Variants in THSD7B observed in about 807,000 individuals in gnomAD.
The protein encoded by THSD7B is thrombospondin type-1 domain-containing protein 7B.
Under a neutral mutation model 213.6 loss-of-function variants are expected in THSD7B, and 138 were observed. The observed-to-expected ratio is 0.65, with a 90% CI of 0.56 to 0.74. THSD7B has a LOEUF of 0.74. THSD7B is among the 30% of genes least tolerant of loss of function. THSD7B has a pLI of 0.00. For missense variants in THSD7B, 1,931 were observed against 1,991.5 expected, an observed-to-expected ratio of 0.97 and a Z score of 0.58; for synonymous variants, 742 against 687.0, an observed-to-expected ratio of 1.08 and a Z score of -1.25.
chr2:137,112,890 T>G (rs1688374381), intron 4 of THSD7B, among the ~76,000 whole-genome samples: 1 of 152,142 alleles, frequency 6.6e-6, no homozygotes, highest in African/African-American at 2.4e-5. Flanking sequence ...TCAGGCTCAA[T>G]GATTGGTATT....
intron 3 of THSD7B, among the ~76,000 whole-genome samples, chr2:137,059,968 C>T (rs1687241624): frequency 6.6e-6 from 1 of 152,174 alleles, no homozygotes; most frequent in Admixed American, 6.6e-5. Flanking sequence ...TCCAGAATGG[C>T]TGTGCCACTT....
intron 15 of THSD7B, among the ~76,000 whole-genome samples, chr2:137,471,605 G>A (rs1175889273): frequency 6.6e-6 from 1 of 151,938 alleles, no homozygotes; most frequent in African/African-American, 2.4e-5. Context: ...AGGTCTAGGG[G>A]TCATCACATG....
At chr2:136,960,014 GT>G (rs1685189797) in intron 2 of THSD7B, among the ~76,000 whole-genome samples, 1 of 152,174 alleles carries the variant, frequency 6.6e-6, no homozygotes, top group Non-Finnish European at 1.5e-5. Flanking sequence ...GTTCTGGGTT[GT>G]TTGTGTTTGA....
chr2:137,605,144 T>C (rs1682147768), intron 17 of THSD7B, among the ~76,000 whole-genome samples: 1 of 152,204 alleles, frequency 6.6e-6, no homozygotes. Flanking sequence ...TTTGGCTGCA[T>C]GTCTTGTTTT....
chr2:137,494,178 C>A (rs1679506454), intron 15 of THSD7B, among the ~76,000 whole-genome samples: 1 of 152,146 alleles, frequency 6.6e-6, no homozygotes, highest in Admixed American at 6.6e-5. Flanking sequence ...ATTTATTAGT[C>A]TGCCTCACAG....
chr2:137,250,963 T>C (rs946974248), intron 10 of THSD7B, among the ~76,000 whole-genome samples: 1 of 152,186 alleles, frequency 6.6e-6, no homozygotes, highest in Non-Finnish European at 1.5e-5. Flanking sequence ...CTGTCTGAAA[T>C]GTTTGCAGTC....
At chr2:137,138,290 G>C (rs917837945) in intron 5 of THSD7B, among the ~76,000 whole-genome samples, 6 of 152,180 alleles carry the variant, frequency 3.9e-5, no homozygotes, top group African/African-American at 1.4e-4. Context: ...TAGGATTTCT[G>C]GAATATATTT....
intron 14 of THSD7B, among the ~76,000 whole-genome samples, chr2:137,419,987 G>A (rs1014205602): frequency 6.6e-6 from 1 of 152,048 alleles, no homozygotes; most frequent in Non-Finnish European, 1.5e-5. Flanking sequence ...GGATAATATG[G>A]TAGTTCTATT....
intron 12 of THSD7B, among the ~76,000 whole-genome samples, chr2:137,359,370 A>T (rs573456510): frequency 6.6e-6 from 1 of 152,222 alleles, no homozygotes; most frequent in Admixed American, 6.5e-5. Flanking sequence ...GACCAGCTTT[A>T]TCTTAAAATA....
In THSD7B at chr2:137,274,165, A is replaced by G. The variant is rs186842573; in HGVS notation, c.2396+1503A>G. ...TTCAAAATGTATCCAAGTTATCAGC[A>G]TGAATCTCTGCTCCTTAGTGAAACA... On this transcript the variant is annotated intron_variant, in intron 11 of 27. Coordinates refer to ENST00000409968, the MANE Select transcript of THSD7B (RefSeq NM_001316349.2). Among the ~76,000 whole-genome samples the G allele has an allele frequency of 3.9e-5, 6 of 152,234 alleles. No homozygotes were observed. The East Asian group carries it at 9.7e-4, about 24-fold the overall frequency.
At chr2:136,821,206 T>G (rs2044646228) in intron 1 of THSD7B, among the ~76,000 whole-genome samples, 1 of 152,216 alleles carries the variant, frequency 6.6e-6, no homozygotes, top group African/African-American at 2.4e-5. Context: ...TGGACTATTT[T>G]TTTTCCCAGT....
At chr2:136,825,718 A>ATTTTTTTTTTTTTTGTTTTTG (rs759978910) in intron 1 of THSD7B, among the ~76,000 whole-genome samples, 2 of 116,898 alleles carry the variant, frequency 1.7e-5, no homozygotes, top group African/African-American at 6.7e-5. Flanking sequence ...TGCCTGGCTA[A>ATTTTTTTTTTTTTTGTTTTTG]TTTTTTTTTT....
chr2:137,448,157 G>A (rs1259635233), intron 14 of THSD7B, among the ~76,000 whole-genome samples: 1 of 152,238 alleles, frequency 6.6e-6, no homozygotes, highest in Non-Finnish European at 1.5e-5. Context: ...GTTGAAGATA[G>A]AGTACTTATT....
intron 15 of THSD7B, among the ~76,000 whole-genome samples, chr2:137,552,541 G>A (rs987532334): frequency 9.2e-5 from 14 of 152,088 alleles, no homozygotes; most frequent in African/African-American, 3.4e-4. Context: ...CAAGACTTAA[G>A]ACACAGAATA....
At chr2:137,100,438 G>A (rs1469177865) in intron 4 of THSD7B, among the ~76,000 whole-genome samples, 43 of 151,688 alleles carry the variant, frequency 2.8e-4, no homozygotes, top group East Asian at 5.9e-4. Context: ...GCCGTGGAAA[G>A]CAATGGCAAA....
chr2:137,528,726 A>G (rs764852480), intron 15 of THSD7B, among the ~76,000 whole-genome samples: 43 of 152,064 alleles, frequency 2.8e-4, no homozygotes, highest in Non-Finnish European at 5.1e-4. Context: ...ATCTGAGGAC[A>G]ACTTGTATCA....
At chr2:137,096,364 C>A (rs1688039803) in intron 4 of THSD7B, among the ~76,000 whole-genome samples, 1 of 152,174 alleles carries the variant, frequency 6.6e-6, no homozygotes, top group Admixed American at 6.6e-5. Flanking sequence ...TGGTGGGCTG[C>A]AGCCTGGCTC....
chr2:137,651,616 T>A (rs985303977), intron 21 of THSD7B, among the ~76,000 whole-genome samples: 3 of 152,074 alleles, frequency 2.0e-5, no homozygotes, highest in African/African-American at 7.2e-5. Flanking sequence ...GTTTGGTTTG[T>A]TCTTGCATTT....
At chr2:137,396,414 G>A (rs199626903) in intron 12 of THSD7B, among the ~76,000 whole-genome samples, 27,016 of 144,614 alleles carry the variant, frequency 0.19, 2,698 homozygotes, top group South Asian at 0.25. Flanking sequence ...CCTTCATTTC[G>A]TTATGTATCC....
Sources: allele counts gnomAD v4.1 joint callset (sites outside exome capture counted in the v4.1 genomes callset), GRCh38; gene constraint gnomAD v4.1.1; transcripts MANE v1.5; gene names NCBI Gene and HGNC (gene_info 2026-07-23, HGNC 2026-07-21).